Variants in SMG6 observed in about 807,000 individuals in gnomAD.
The protein encoded by SMG6 is telomerase-binding protein EST1A.
SMG6 carries 66 observed loss-of-function variants against 142.2 expected under a neutral mutation model. That is an observed-to-expected ratio of 0.46 (90% CI 0.38 to 0.57). SMG6 has a LOEUF of 0.57. Among genes scored for constraint, SMG6 ranks in the 20% least tolerant of loss-of-function variants. The pLI, the probability that SMG6 is intolerant of heterozygous loss-of-function variation, is 0.00. For synonymous variants in SMG6, 779 were observed against 702.4 expected, an observed-to-expected ratio of 1.11 and a Z score of -1.72; for missense variants, 1,793 against 1,832.0, an observed-to-expected ratio of 0.98 and a Z score of 0.39.
intron 13 of SMG6, among the ~76,000 whole-genome samples, chr17:2,128,589 T>A (rs1241748293): frequency 6.6e-6 from 1 of 152,130 alleles, no homozygotes; most frequent in African/African-American, 2.4e-5. Context: ...AAGCATTGTA[T>A]ACCCACTATT....
chr17:2,155,241 T>C (rs2070965647), intron 13 of SMG6, among the ~76,000 whole-genome samples: 1 of 152,000 alleles, frequency 6.6e-6, no homozygotes, highest in Non-Finnish European at 1.5e-5. Flanking sequence ...TTTGTATTTT[T>C]AGTAGAGACA....
intron 14 of SMG6, among the ~76,000 whole-genome samples, chr17:2,082,868 T>A (rs2068461626): frequency 6.6e-6 from 1 of 152,228 alleles, no homozygotes; most frequent in Non-Finnish European, 1.5e-5. Context: ...ATGACAGTGA[T>A]GACAACAGCT....
chr17:2,203,115 C>T (rs1325546138), intron 10 of SMG6, among the ~76,000 whole-genome samples: 1 of 152,166 alleles, frequency 6.6e-6, no homozygotes, highest in African/African-American at 2.4e-5. Flanking sequence ...TTCCCTTGTT[C>T]CAGGAAATAC....
At position 2,118,060 on chromosome 17, in the gene SMG6, T is replaced by C. The variant is rs1308098420; in HGVS notation, c.3358-32159A>G. Among the ~76,000 whole-genome samples, 4 of 149,542 alleles carry C rather than the reference T, an allele frequency of 2.7e-5. No individual in the cohort carries two copies. In the South Asian group the frequency reaches 6.3e-4, roughly 24 times the overall value. ...GAGTTCAAGAGCAGCCTGGGAAACA[T>C]AGTGAGACCCCATTTCTATAAAAAA... On this transcript the variant is annotated intron_variant, in intron 13 of 18. Transcript: ENST00000263073.
intron 8 of SMG6, among the ~76,000 whole-genome samples, chr17:2,261,414 C>G (rs1214912947): frequency 6.6e-6 from 1 of 152,018 alleles, no homozygotes; most frequent in Non-Finnish European, 1.5e-5. Context: ...ACCTGTATGG[C>G]TCTGTTATGT....
chr17:2,247,682 C>T (rs951653659), intron 8 of SMG6, among the ~76,000 whole-genome samples: 4 of 151,950 alleles, frequency 2.6e-5, no homozygotes, highest in Admixed American at 6.6e-5. Flanking sequence ...ACTAGAGAGG[C>T]TGAGGCAGGA....
At chr17:2,263,702 A>G (rs2074364853) in intron 8 of SMG6, among the ~76,000 whole-genome samples, 2 of 152,158 alleles carry the variant, frequency 1.3e-5, no homozygotes, top group Non-Finnish European at 2.9e-5. Flanking sequence ...TCAATACTAA[A>G]TATTTATGAG....
rs1450067071 is a variant in SMG6 at position 2,071,322 on chromosome 17, A to G, written c.3682-2391T>C. On this transcript the variant is annotated intron_variant, in intron 15 of 18. Transcript: ENST00000263073. This position sits in a 1 kb window ranked among gnomAD's most constrained non-coding sequence, Gnocchi z 5.6. ...TAAGCCCTGGTACCATCCTACCTCT[A>G]TTGCTGGCAATTAGGCAGGAGAGCC... Among the ~76,000 whole-genome samples the G allele has an allele frequency of 6.6e-6, 1 of 151,730 alleles. No homozygotes were observed. Among genetic ancestry groups the G allele is most frequent in the Non-Finnish European group, 1.5e-5 (1 of 67,946 alleles).
chr17:2,161,168 C>T (rs375339890), intron 13 of SMG6, among the ~76,000 whole-genome samples: 1 of 145,284 alleles, frequency 6.9e-6, no homozygotes, highest in African/African-American at 2.6e-5. Flanking sequence ...AGTGCAGGGG[C>T]GCGATCTTGG....
chr17:2,134,851 T>C (rs1272098759), intron 13 of SMG6, among the ~76,000 whole-genome samples: 1 of 149,944 alleles, frequency 6.7e-6, no homozygotes, highest in Non-Finnish European at 1.5e-5. Flanking sequence ...CCTGTCATCA[T>C]CCCAGACCTT....
In SMG6 at chr17:2,188,416, A is replaced by G; in HGVS notation, c.2969T>C (p.Leu990Pro). Residue 990 changes from leucine (L) to proline (P), a missense_variant, in exon 11 of 19, where the codon CTT becomes CCT. By Grantham distance (98) the Leu-to-Pro change is moderately conservative. Transcript: ENST00000263073. Reference protein sequence around the residue: ...SLLVRRCTCLLKESAKAQLSS... With the variant: ...SLLVRRCTCLPKESAKAQLSS... ...CTGCTTACCTTTGGCGGACTCCTTAAGTAAGCAGGTGCAGCGGCGGACCAG... is the reference window on the plus strand; with the variant it reads ...CTGCTTACCTTTGGCGGACTCCTTAGGTAAGCAGGTGCAGCGGCGGACCAG... 1 of 1,614,120 alleles carries G rather than the reference A, an allele frequency of 6.2e-7. No individual in the cohort carries two copies. Among genetic ancestry groups the G allele is most frequent in the Non-Finnish European group, 8.5e-7 (1 of 1,179,994 alleles).
At chr17:2,273,403 G>C (rs1268542556) in intron 8 of SMG6, among the ~76,000 whole-genome samples, 2 of 152,154 alleles carry the variant, frequency 1.3e-5, no homozygotes, top group Non-Finnish European at 2.9e-5. Flanking sequence ...GCTCACGCCT[G>C]TAATCCCAGC....
intron 13 of SMG6, among the ~76,000 whole-genome samples, chr17:2,114,990 A>G (rs1200738314): frequency 6.8e-5 from 10 of 146,172 alleles, no homozygotes; most frequent in African/African-American, 1.0e-4. Context: ...AAAATAAAAT[A>G]AAATAAAATA....
chr17:2,281,064 CATTT>C (rs1337910620), intron 8 of SMG6, among the ~76,000 whole-genome samples: 1 of 152,116 alleles, frequency 6.6e-6, no homozygotes, highest in African/African-American at 2.4e-5. Flanking sequence ...TGATTGTATT[CATTT>C]ATTTTTTGGA....
intron 17 of SMG6, 64 bp downstream of exon 17, chr17:2,065,404 C>T: frequency 6.6e-7 from 1 of 1,518,474 alleles, no homozygotes; most frequent in Non-Finnish European, 9.0e-7. Context: ...TTCAGCCCTT[C>T]CTTCCTGGAG....
At position 2,085,789 on chromosome 17, in the gene SMG6, G is replaced by A. The variant is rs148880934; in HGVS notation, c.3470C>T (p.Ala1157Val). 1.7e-5 allele frequency: 28 copies of A among 1,614,128 alleles called. No individual in the cohort carries two copies. Among genetic ancestry groups the A allele is most frequent in the Non-Finnish European group, 2.4e-5 (28 of 1,179,980 alleles). Residue 1157 changes from alanine (A) to valine (V), a missense_variant, in exon 14 of 19, where the codon GCA becomes GTA. Physicochemically the swap from Ala to Val is moderately conservative, Grantham distance 64. This residue lies in a region of SMG6 where 1,597 missense variants were observed against 1,584.6 expected (regional missense o/e 1.01). Coordinates refer to ENST00000263073, the MANE Select transcript of SMG6 (RefSeq NM_017575.5). The surrounding 1 kb of genome is among the most constrained non-coding windows in gnomAD (Gnocchi z 4.1). ...CTTTCCCATGGTGTCTGGGACGGGT[G>A]CCACTGACACATACTTTCCACCCTT... is the stretch of plus-strand genomic sequence containing the variant. ...AFKGGKYVSV[A>V]PVPDTMGKEM...
chr17:2,086,168 G>A (rs1314003655), intron 13 of SMG6, among the ~76,000 whole-genome samples: 1 of 152,166 alleles, frequency 6.6e-6, no homozygotes, highest in Admixed American at 6.5e-5. Flanking sequence ...CCAGTGACAG[G>A]TGCCTTACAT....
chr17:2,188,371 C>G lies in SMG6; in HGVS notation c.2986+28G>C, dbSNP rs376288525. On this transcript the variant is annotated intron_variant, in intron 11 of 18. Transcript: ENST00000263073. Reference sequence around the variant, plus strand: ...GACAAGGCCAGGCAACTGGAAAGCCCACCAGGCTGGGGACTCCTCCTGCTT... The same window carrying G: ...GACAAGGCCAGGCAACTGGAAAGCCGACCAGGCTGGGGACTCCTCCTGCTT... 4 of 1,601,408 alleles carry G rather than the reference C, an allele frequency of 2.5e-6. No individual in the cohort carries two copies. The African/African-American group carries it at 5.4e-5, about 22-fold the overall frequency.
In SMG6 at chr17:2,114,955, A is replaced by ATAAAAAAATG. The variant is rs1555537781; in HGVS notation, c.3358-29055_3358-29054insCATTTTTTTA. 5.5e-5 allele frequency among the ~76,000 whole-genome samples: 4 copies of ATAAAAAAATG among 72,636 alleles called. No homozygotes were observed. The East Asian group carries it at 1.0e-3, about 18-fold the overall frequency. The allele number at this position is 72,636 out of a possible 152,430, so 47.7% of individuals were successfully genotyped here. A position where few individuals can be genotyped will look rare whatever the true frequency, so the allele number is the denominator to read the frequency against. ...ATAAAATAAAATAAAATAAAATAAAAAAATGAAATGAAATGAAATAAAATA... is the reference window on the plus strand; with the variant it reads ...ATAAAATAAAATAAAATAAAATAAAATAAAAAAATGAAATGAAATGAAATGAAATAAAATA... On this transcript the variant is annotated intron_variant, in intron 13 of 18. Transcript: ENST00000263073.
Sources: gnomAD v4.1 joint callset for allele counts (sites outside exome capture counted in the v4.1 genomes callset) on GRCh38, gnomAD v4.1.1 for gene constraint, gnomAD v4.1.1 regional missense constraint, Gnocchi (gnomAD v3.1) non-coding constraint, MANE v1.5 for transcripts, NCBI Gene and HGNC (gene_info 2026-07-23, HGNC 2026-07-21) for gene names.